AGPS: variants seen among roughly 807,000 people sequenced by gnomAD.
AGPS encodes the protein alkylglycerone phosphate synthase, also known as alkyldihydroxyacetonephosphate synthase, peroxisomal.
AGPS carries 26 observed loss-of-function variants against 90.7 expected under a neutral mutation model. That is an observed-to-expected ratio of 0.29 (90% CI 0.21 to 0.40). The LOEUF is 0.40. Among genes scored for constraint, AGPS ranks in the 10% least tolerant of loss-of-function variants. The pLI, the probability that AGPS is intolerant of heterozygous loss-of-function variation, is 1.00. For synonymous variants in AGPS, 294 were observed against 285.3 expected (o/e 1.03, Z -0.31); for missense variants, 540 against 816.1 (o/e 0.66, Z 4.12).
At chr2:177,427,154 T>C (rs1363187347) in intron 2 of AGPS, among the ~76,000 whole-genome samples, 9 of 152,232 alleles carry the variant, frequency 5.9e-5, no homozygotes. Context: ...CATAGAGATG[T>C]TGATAGTATT....
chr2:177,517,331 CT>C (rs1689047789), intron 17 of AGPS, among the ~76,000 whole-genome samples: 2 of 152,220 alleles, frequency 1.3e-5, no homozygotes, highest in East Asian at 3.9e-4. Context: ...GGCTATGTCA[CT>C]GCATTTGGTA....
intron 19 of AGPS, among the ~76,000 whole-genome samples, chr2:177,537,357 A>G (rs2079193224): frequency 1.4e-5 from 2 of 147,444 alleles, no homozygotes; most frequent in South Asian, 4.2e-4. Context: ...AAGACCTAGA[A>G]ACAAAAAAAG....
chr2:177,459,701 C>T lies in AGPS; in HGVS notation c.871-2192C>T, dbSNP rs114064672. 2.6e-3 allele frequency among the ~76,000 whole-genome samples: 394 copies of T among 152,236 alleles called. 1 individual carries two copies. Among genetic ancestry groups the T allele is most frequent in the African/African-American group, 7.8e-3 (323 of 41,554 alleles). On this transcript the variant is annotated intron_variant, in intron 8 of 19. Transcript: ENST00000264167. ...TGGAGAGGTTGTGGAAAAATAGGAACGCTCTTATGCTGTTGGGAGTGTAAA... is the reference window on the plus strand; with the variant it reads ...TGGAGAGGTTGTGGAAAAATAGGAATGCTCTTATGCTGTTGGGAGTGTAAA...
chr2:177,480,341 TGATA>T (rs1687906101), intron 10 of AGPS, among the ~76,000 whole-genome samples: 2 of 152,098 alleles, frequency 1.3e-5, no homozygotes, highest in Non-Finnish European at 2.9e-5. Context: ...TGTCCATCAA[TGATA>T]GACTGGATTA....
rs144839738 is a variant in AGPS at position 177,442,384 on chromosome 2, G to A, written c.710-23G>A. On this transcript the variant is annotated intron_variant, in intron 6 of 19. Transcript: ENST00000264167. ...AAAAACAGAATATTTAAACATAAAA[G>A]TTGTTGTTTCCTATTTTGGCAGGAG... 186 of 1,568,776 alleles carry A rather than the reference G, an allele frequency of 1.2e-4. No individual in the cohort carries two copies. In the African/African-American group the frequency reaches 2.4e-3, roughly 20 times the overall value.
chr2:177,492,917 GT>G (rs1313887200), intron 11 of AGPS, among the ~76,000 whole-genome samples: 1 of 151,200 alleles, frequency 6.6e-6, no homozygotes, highest in Non-Finnish European at 1.5e-5. Context: ...GTTAACTTAT[GT>G]TTGTATTTAT....
At chr2:177,454,530 A>G (rs1687054746) in intron 8 of AGPS, among the ~76,000 whole-genome samples, 1 of 151,194 alleles carries the variant, frequency 6.6e-6, no homozygotes, top group Non-Finnish European at 1.5e-5. Context: ...TTCACCCCAT[A>G]ATGATTATGG....
rs1357138285 is a variant in AGPS, at chr2:177,493,234, AG to A, written c.1285+36del. ...GAGTGGTAATTTTAAAATGTCATTT[AG>A]CCACAGAAATTTATGAAACATCAGT... On this transcript the variant is annotated intron_variant, in intron 12 of 19. Transcript: ENST00000264167. 4 of 1,562,712 alleles carry A rather than the reference AG, an allele frequency of 2.6e-6. No individual in the cohort carries two copies. In the South Asian group the frequency reaches 4.4e-5, roughly 17 times the overall value.
At chr2:177,458,285 A>G (rs1687180118) in intron 8 of AGPS, among the ~76,000 whole-genome samples, 2 of 152,232 alleles carry the variant, frequency 1.3e-5, no homozygotes, top group African/African-American at 4.8e-5. Flanking sequence ...GGCACAAGAC[A>G]AGGATCTCCT....
rs531130623 is a variant in AGPS at position 177,396,278 on chromosome 2, G to T, written c.260+3229G>T. ...AGAATAAAATGAAAGGAGGGCAGTG[G>T]CAGGTCATGGAGGTCTTTGGCTTGT... On this transcript the variant is annotated intron_variant, in intron 1 of 19. Coordinates refer to ENST00000264167, the MANE Select transcript of AGPS (RefSeq NM_003659.4). 2.0e-5 allele frequency among the ~76,000 whole-genome samples: 3 copies of T among 152,174 alleles called. No homozygotes were observed. The East Asian group carries it at 5.8e-4, about 29-fold the overall frequency.
At chr2:177,438,921 AT>A (rs1359936610) in intron 5 of AGPS, among the ~76,000 whole-genome samples, 2 of 152,112 alleles carry the variant, frequency 1.3e-5, no homozygotes, top group Non-Finnish European at 2.9e-5. Context: ...TTTTGAGACA[AT>A]GAAGAAATTT....
At chr2:177,447,553 G>A (rs994720205) in intron 8 of AGPS, among the ~76,000 whole-genome samples, 1 of 149,954 alleles carries the variant, frequency 6.7e-6, no homozygotes, top group Non-Finnish European at 1.5e-5. Flanking sequence ...CACCAATTTT[G>A]TATCTTTATT....
rs1397008425 is a variant in AGPS at position 177,426,179 on chromosome 2, T to A, written c.350+5821T>A. 2.6e-5 allele frequency among the ~76,000 whole-genome samples: 4 copies of A among 152,334 alleles called. No homozygotes were observed. The East Asian group carries it at 7.7e-4, about 29-fold the overall frequency. On this transcript the variant is annotated intron_variant, in intron 2 of 19. Transcript: ENST00000264167. ...ATTGTGAATGGGAGTTCATTCATGA[T>A]TTGGCTCTCTTCTTGCCTGTTGTTG...
intron 1 of AGPS, among the ~76,000 whole-genome samples, chr2:177,403,847 C>T (rs1050645887): frequency 7.2e-5 from 11 of 152,106 alleles, no homozygotes; most frequent in Non-Finnish European, 1.5e-5. Context: ...ATGTAGGTAC[C>T]ATTTATCTGA....
At chr2:177,533,491 C>T (rs2105743327) in intron 19 of AGPS, among the ~76,000 whole-genome samples, 1 of 152,226 alleles carries the variant, frequency 6.6e-6, no homozygotes, top group Admixed American at 6.5e-5. Flanking sequence ...CCTTTAGTAG[C>T]TTCTAGCCTC....
chr2:177,457,324 G>A (rs1262327799), intron 8 of AGPS, among the ~76,000 whole-genome samples: 1 of 152,092 alleles, frequency 6.6e-6, no homozygotes, highest in African/African-American at 2.4e-5. Flanking sequence ...CAGAAGACAT[G>A]AAATAACTAA....
chr2:177,505,632 C>G (rs1688687139), intron 15 of AGPS, 57 bp downstream of exon 15: 1 of 1,489,724 alleles, frequency 6.7e-7, no homozygotes, highest in Non-Finnish European at 9.3e-7. Context: ...AATACTTTTT[C>G]TTACTTTAAG....
At chr2:177,468,812 T>C (rs1022671995) in intron 10 of AGPS, among the ~76,000 whole-genome samples, 20 of 152,080 alleles carry the variant, frequency 1.3e-4, no homozygotes, top group African/African-American at 4.6e-4. Flanking sequence ...TTTAAAATGG[T>C]TTATTTTGAC....
intron 9 of AGPS, among the ~76,000 whole-genome samples, chr2:177,463,632 T>C (rs960669788): frequency 1.3e-5 from 2 of 152,198 alleles, no homozygotes; most frequent in African/African-American, 4.8e-5. Context: ...TGAATACTTT[T>C]TAAATATTTT....
Sources: allele counts gnomAD v4.1 joint callset (sites outside exome capture counted in the v4.1 genomes callset), GRCh38; gene constraint gnomAD v4.1.1; transcripts MANE v1.5; gene names NCBI Gene and HGNC (gene_info 2026-07-23, HGNC 2026-07-21).